Variants in APBB2 observed in about 807,000 individuals in gnomAD.
APBB2 encodes the protein Fe65-like 1.
Under a neutral mutation model 82.5 loss-of-function variants are expected in APBB2, and 38 were observed. The ratio of observed to expected loss-of-function variants is 0.46; its 90% CI spans 0.36 to 0.60. The LOEUF (loss-of-function observed/expected upper bound fraction) is 0.60. Among genes scored for constraint, APBB2 ranks in the 20% least tolerant of loss-of-function variants. APBB2 has a pLI of 0.00. For synonymous variants in APBB2, 341 were observed against 368.2 expected, an observed-to-expected ratio of 0.93 and a Z score of 0.85; for missense variants, 772 against 972.3, an observed-to-expected ratio of 0.79 and a Z score of 2.74.
intron 6 of APBB2, among the ~76,000 whole-genome samples, chr4:40,979,944 G>T (rs146543350): frequency 2.6e-5 from 4 of 152,132 alleles, no homozygotes; most frequent in Non-Finnish European, 5.9e-5. Context: ...TTTGTTATGC[G>T]GCAATAGAAA....
intron 5 of APBB2, among the ~76,000 whole-genome samples, chr4:41,026,560 G>C (rs184181729): frequency 8.4e-4 from 128 of 152,272 alleles, no homozygotes; most frequent in African/African-American, 3.0e-3. Flanking sequence ...GGTGATGATA[G>C]ACATTTCATA....
intron 3 of APBB2, among the ~76,000 whole-genome samples, chr4:41,082,487 T>A (rs1224613176): frequency 6.6e-6 from 1 of 152,288 alleles, no homozygotes; most frequent in African/African-American, 2.4e-5. Flanking sequence ...ATAGCAGCTG[T>A]TAATTTGAAT....
chr4:41,151,420 T>C (rs1166162002), intron 1 of APBB2, among the ~76,000 whole-genome samples: 1 of 152,224 alleles, frequency 6.6e-6, no homozygotes, highest in Non-Finnish European at 1.5e-5. Context: ...AAATTTTTAA[T>C]TTATTTAATT....
intron 10 of APBB2, among the ~76,000 whole-genome samples, chr4:40,907,706 G>A (rs1777418556): frequency 8.3e-6 from 1 of 119,946 alleles, no homozygotes. Flanking sequence ...ACAGGGTCTT[G>A]CTCTGTTTTC....
intron 3 of APBB2, among the ~76,000 whole-genome samples, chr4:41,091,645 C>T (rs1015536559): frequency 7.9e-5 from 12 of 152,186 alleles, no homozygotes; most frequent in Non-Finnish European, 1.8e-4. Context: ...TAGCACAACA[C>T]AGGCAGTCCA....
intron 1 of APBB2, among the ~76,000 whole-genome samples, chr4:41,156,403 G>A (rs879315814): frequency 8.5e-5 from 13 of 152,190 alleles, no homozygotes; most frequent in Admixed American, 2.0e-4. Flanking sequence ...CAGAGTTCCC[G>A]AGTACACCGG....
chr4:41,087,703 A>G (rs1740270907), intron 3 of APBB2, among the ~76,000 whole-genome samples: 1 of 152,070 alleles, frequency 6.6e-6, no homozygotes, highest in Non-Finnish European at 1.5e-5. Context: ...TGCTGGGATT[A>G]CAGGTGTGAG....
intron 4 of APBB2, among the ~76,000 whole-genome samples, chr4:41,041,597 T>G (rs988752028): frequency 6.6e-6 from 1 of 152,212 alleles, no homozygotes; most frequent in Non-Finnish European, 1.5e-5. Flanking sequence ...ACCACTTATA[T>G]AGTCTAAAAC....
chr4:41,046,082 A>C (rs559253820), intron 4 of APBB2, among the ~76,000 whole-genome samples: 1 of 152,350 alleles, frequency 6.6e-6, no homozygotes, highest in South Asian at 2.1e-4. Context: ...TTAAAAAAAC[A>C]ATAAAGAAGT....
chr4:41,085,276 A>G (rs1739248993), intron 3 of APBB2, among the ~76,000 whole-genome samples: 1 of 151,746 alleles, frequency 6.6e-6, no homozygotes, highest in African/African-American at 2.4e-5. Flanking sequence ...AAAAGACTGA[A>G]ACTGCCTATG....
chr4:41,208,406 C>T (rs1269921528), intron 1 of APBB2, among the ~76,000 whole-genome samples: 4 of 152,102 alleles, frequency 2.6e-5, no homozygotes, highest in African/African-American at 7.2e-5. Context: ...AAATTACAGG[C>T]GTGTGCCACC....
intron 12 of APBB2, among the ~76,000 whole-genome samples, chr4:40,871,632 C>T (rs889258310): frequency 1.3e-5 from 2 of 152,224 alleles, no homozygotes; most frequent in African/African-American, 4.8e-5. Context: ...AGTTCTAGGT[C>T]TCAGTTTCCT....
At chr4:41,171,864 G>A (rs1219251219) in intron 1 of APBB2, among the ~76,000 whole-genome samples, 1 of 152,134 alleles carries the variant, frequency 6.6e-6, no homozygotes, top group African/African-American at 2.4e-5. Context: ...GGGAGGCCAA[G>A]GTGGGTGGAA....
intron 12 of APBB2, chr4:40,857,144 C>G: frequency 9.1e-6 from 9 of 985,470 alleles, no homozygotes; most frequent in Non-Finnish European, 1.1e-5. Flanking sequence ...CGCACTGCCC[C>G]GGGCTCAAGT....
At chr4:41,000,059 ATATGTGTGTATGTGTGTGTGTGTGTGTG>A (rs1804741724) in intron 6 of APBB2, among the ~76,000 whole-genome samples, 1 of 92,902 alleles carries the variant, frequency 1.1e-5, no homozygotes, top group African/African-American at 3.6e-5. Flanking sequence ...ATATGTATAT[ATATGTGTGTATGTGTGTGTGTGTGTGTG>A]TGTGTGTGTG....
At chr4:41,211,277 A>C (rs1170858326) in intron 1 of APBB2, among the ~76,000 whole-genome samples, 1 of 151,550 alleles carries the variant, frequency 6.6e-6, no homozygotes, top group East Asian at 1.9e-4. Context: ...AATAATAATA[A>C]TACTAGGCAC....
At chr4:40,872,093 G>T (rs1021703431) in intron 12 of APBB2, among the ~76,000 whole-genome samples, 2 of 152,240 alleles carry the variant, frequency 1.3e-5, no homozygotes, top group Non-Finnish European at 2.9e-5. Flanking sequence ...TGAAATGTGA[G>T]CAAAAGCGCT....
intron 1 of APBB2, among the ~76,000 whole-genome samples, chr4:41,152,987 G>T (rs895906715): frequency 2.0e-5 from 3 of 152,050 alleles, no homozygotes; most frequent in African/African-American, 2.4e-5. Context: ...TTCAAATTTT[G>T]GAATATTCTG....
chr4:40,851,194 C>T (rs558118341), intron 12 of APBB2, among the ~76,000 whole-genome samples: 107 of 152,274 alleles, frequency 7.0e-4, no homozygotes, highest in African/African-American at 2.4e-3. Context: ...GAATAATTCT[C>T]GTTACAGGTG....
Sources: gnomAD v4.1 joint callset for allele counts (sites outside exome capture counted in the v4.1 genomes callset) on GRCh38, gnomAD v4.1.1 for gene constraint, MANE v1.5 for transcripts, NCBI Gene and HGNC (gene_info 2026-07-23, HGNC 2026-07-21) for gene names.